The following TSPAN5 variants were observed in gnomAD, a reference collection of about 807,000 sequenced individuals.
The protein encoded by TSPAN5 is tetraspanin-5.
A neutral mutation model predicts 37.1 loss-of-function variants in TSPAN5; 10 were observed. The ratio of observed to expected loss-of-function variants is 0.27; its 90% confidence interval spans 0.17 to 0.46. The LOEUF (loss-of-function observed/expected upper bound fraction) is 0.46. Among genes scored for constraint, TSPAN5 ranks in the 20% least tolerant of loss-of-function variants. TSPAN5 has a pLI of 1.00. For missense variants in TSPAN5, 195 were observed against 326.6 expected, an observed-to-expected ratio of 0.60 and a Z score of 3.11; for synonymous variants, 110 against 118.9, an observed-to-expected ratio of 0.93 and a Z score of 0.48.
chr4:98,496,695 C>T (rs994379851), intron 2 of TSPAN5: 1 of 152,230 alleles, frequency 6.6e-6, no homozygotes, highest in Non-Finnish European at 1.5e-5. Context: ...TCTACACACT[C>T]TGGTGAGAGC....
chr4:98,550,080 G>A (rs1402320271), intron 1 of TSPAN5, among the ~76,000 whole-genome samples: 2 of 152,128 alleles, frequency 1.3e-5, no homozygotes, highest in African/African-American at 2.4e-5. Flanking sequence ...TAAGAGGTAT[G>A]GGTTCAGTTT....
chr4:98,651,788 C>T (rs1317953596), intron 1 of TSPAN5, among the ~76,000 whole-genome samples: 2 of 151,114 alleles, frequency 1.3e-5, no homozygotes, highest in Admixed American at 6.6e-5. Context: ...ATGGAGAATG[C>T]TTCACTGACT....
At chr4:98,619,975 G>A (rs1288016648) in intron 1 of TSPAN5, among the ~76,000 whole-genome samples, 1 of 152,146 alleles carries the variant, frequency 6.6e-6, no homozygotes, top group African/African-American at 2.4e-5. Context: ...ATTGCATTGA[G>A]TACTAGGTTT....
intron 1 of TSPAN5, among the ~76,000 whole-genome samples, chr4:98,571,519 T>C (rs1323135642): frequency 6.7e-6 from 1 of 149,840 alleles, no homozygotes; most frequent in East Asian, 2.0e-4. Flanking sequence ...AAAGCACTAC[T>C]AAACTGATAA....
chr4:98,616,216 C>T (rs1281231267), intron 1 of TSPAN5, among the ~76,000 whole-genome samples: 3 of 152,054 alleles, frequency 2.0e-5, no homozygotes, highest in Non-Finnish European at 4.4e-5. Context: ...ACCTCTGCTT[C>T]CCTCTTGGAG....
intron 1 of TSPAN5, among the ~76,000 whole-genome samples, chr4:98,620,464 G>A (rs976562226): frequency 3.3e-5 from 5 of 152,170 alleles, no homozygotes; most frequent in African/African-American, 9.7e-5. Flanking sequence ...TCACTAGGCC[G>A]TCTCTATTCC....
At chr4:98,642,468 T>C (rs1044445535) in intron 1 of TSPAN5, among the ~76,000 whole-genome samples, 2 of 152,220 alleles carry the variant, frequency 1.3e-5, no homozygotes, top group Non-Finnish European at 2.9e-5. Context: ...AAAATGGATC[T>C]CCAGCTTTTA....
chr4:98,611,406 C>T lies in TSPAN5; in HGVS notation c.81+46740G>A, dbSNP rs1756186337. On this transcript the variant is annotated intron_variant, in intron 1 of 7. Coordinates refer to ENST00000305798, the MANE Select transcript of TSPAN5 (RefSeq NM_005723.4). ...ATTGAAATGTGATGTGAAGCAGCCT[C>T]TGTGAATGAAACTATATCCAGGCAG... is the stretch of plus-strand genomic sequence containing the variant. Among the ~76,000 whole-genome samples the T allele has an allele frequency of 2.0e-5, 3 of 152,142 alleles. No homozygotes were observed. In the South Asian group the frequency reaches 6.2e-4, roughly 32 times the overall value.
chr4:98,516,055 C>A (rs1753722411), intron 1 of TSPAN5, among the ~76,000 whole-genome samples: 2 of 152,130 alleles, frequency 1.3e-5, no homozygotes, highest in African/African-American at 4.8e-5. Flanking sequence ...TTTCATTGTG[C>A]CTATTTTTTT....
At chr4:98,554,842 T>G (rs1754702677) in intron 1 of TSPAN5, among the ~76,000 whole-genome samples, 1 of 152,202 alleles carries the variant, frequency 6.6e-6, no homozygotes, top group Non-Finnish European at 1.5e-5. Flanking sequence ...GGAGAGAGTA[T>G]GTGCCAAACA....
At chr4:98,518,805 A>G (rs1753793045) in intron 1 of TSPAN5, among the ~76,000 whole-genome samples, 1 of 152,222 alleles carries the variant, frequency 6.6e-6, no homozygotes, top group Non-Finnish European at 1.5e-5. Context: ...AGGGCCCAGC[A>G]AGTTCTGTCT....
intron 1 of TSPAN5, among the ~76,000 whole-genome samples, chr4:98,541,753 C>G (rs950390458): frequency 1.3e-5 from 2 of 151,528 alleles, no homozygotes; most frequent in African/African-American, 4.9e-5. Context: ...AACTTTATGC[C>G]ACACTTTCTT....
At chr4:98,630,150 C>G (rs55835769) in intron 1 of TSPAN5, among the ~76,000 whole-genome samples, 3,158 of 152,252 alleles carry the variant, frequency 0.021, 105 homozygotes, top group African/African-American at 0.072. Context: ...TGAGTATCTA[C>G]TAAACAGCAT....
intron 2 of TSPAN5, among the ~76,000 whole-genome samples, chr4:98,498,227 C>A (rs1185176733): frequency 6.6e-6 from 1 of 152,084 alleles, no homozygotes; most frequent in East Asian, 1.9e-4. Context: ...CAGAGAGGAA[C>A]TAACATGCCC....
At chr4:98,573,745 A>G (rs981083046) in intron 1 of TSPAN5, among the ~76,000 whole-genome samples, 1 of 150,388 alleles carries the variant, frequency 6.6e-6, no homozygotes, top group Non-Finnish European at 1.5e-5. Flanking sequence ...GAAGTACAAA[A>G]TGTTCTGAAT....
intron 1 of TSPAN5, among the ~76,000 whole-genome samples, chr4:98,654,820 AGAAATTAGTGAAAGGTTTTTTGTTTT>A (rs879363194): frequency 2.0e-5 from 3 of 152,208 alleles, no homozygotes; most frequent in Non-Finnish European, 4.4e-5. Context: ...CAAGCCAAGA[AGAAATTAGTGAAAGGTTTTTTGTTTT>A]GCTTTGTTTT....
In TSPAN5 at chr4:98,626,757, T is replaced by C. The variant is rs116035752; in HGVS notation, c.81+31389A>G. On this transcript the variant is annotated intron_variant, in intron 1 of 7. Transcript: ENST00000305798. The stretch of plus-strand genomic sequence containing the variant: ...CTTTATCAAGAACCTGCCCATCCCT[T>C]TTCCTGCCTGATTCGATCCTCTTTA... 5.0e-3 allele frequency among the ~76,000 whole-genome samples: 765 copies of C among 152,246 alleles called. 9 individuals carry two copies. The highest frequency in any genetic ancestry group is 0.018 in the African/African-American group (740 of 41,540).
chr4:98,545,129 C>A (rs1754441238), intron 1 of TSPAN5, among the ~76,000 whole-genome samples: 1 of 152,196 alleles, frequency 6.6e-6, no homozygotes, highest in South Asian at 2.1e-4. Flanking sequence ...CCATCAGATG[C>A]AAGACTAAGC....
chr4:98,484,778 A>G, intron 3 of TSPAN5: 2 of 323,332 alleles, frequency 6.2e-6, no homozygotes, highest in Non-Finnish European at 1.2e-5. Context: ...CCTGGCCAAC[A>G]TGGTGAAACC....
Sources: allele counts gnomAD v4.1 joint callset (sites outside exome capture counted in the v4.1 genomes callset), GRCh38; gene constraint gnomAD v4.1.1; transcripts MANE v1.5; gene names NCBI Gene and HGNC (gene_info 2026-07-23, HGNC 2026-07-21).